Variants in MALRD1 observed in about 807,000 individuals in gnomAD.
The protein encoded by MALRD1 is MAM and LDL receptor class A domain containing 1.
MALRD1 carries 247 observed loss-of-function variants against 242.1 expected under a neutral mutation model. That is an observed-to-expected ratio of 1.02 (90% CI 0.92 to 1.13). The LOEUF (loss-of-function observed/expected upper bound fraction) is 1.13, where lower values mean the gene tolerates loss of function less well. MALRD1 is among the 50% of genes most tolerant of loss of function. The pLI is 0.00. For synonymous variants in MALRD1, 995 were observed against 866.6 expected (o/e 1.15, Z -2.60); for missense variants, 2,989 against 2,533.1 (o/e 1.18, Z -3.86).
intron 32 of MALRD1, among the ~76,000 whole-genome samples, chr10:19,554,461 T>C (rs1835625099): frequency 6.6e-6 from 1 of 152,140 alleles, no homozygotes; most frequent in African/African-American, 2.4e-5. Context: ...ATGTGTACCA[T>C]GGTAGTTTGC....
chr10:19,730,801 T>C lies in MALRD1; in HGVS notation c.6390+20T>C, dbSNP rs774272856. The C allele has an allele frequency of 1.3e-6, 2 of 1,533,246 alleles. No homozygotes were observed. The highest frequency in any genetic ancestry group is 1.2e-5 in the South Asian group (1 of 83,986). 95.0% of individuals were successfully genotyped at this position (1,533,246 alleles called of 1,614,324 possible). A position where few individuals can be genotyped will look rare whatever the true frequency, so the allele number is the denominator to read the frequency against. On this transcript the variant is annotated intron_variant, in intron 39 of 39. Transcript: ENST00000454679. ...ACAGAGGTAAGTGGCAAGGGTGAAC[T>C]ATATCTTTTCACACATATGCACACA...
At chr10:19,245,002 C>G (rs887432493) in intron 18 of MALRD1, among the ~76,000 whole-genome samples, 1 of 152,154 alleles carries the variant, frequency 6.6e-6, no homozygotes, top group Non-Finnish European at 1.5e-5. Flanking sequence ...GTTACAGTAA[C>G]TCATGAACTC....
chr10:19,500,422 T>C (rs955511532), intron 31 of MALRD1, among the ~76,000 whole-genome samples: 1 of 152,214 alleles, frequency 6.6e-6, no homozygotes, highest in Admixed American at 6.5e-5. Flanking sequence ...AGTATGGTGC[T>C]GGCATATCTG....
intron 26 of MALRD1, among the ~76,000 whole-genome samples, chr10:19,381,769 G>A (rs1304450700): frequency 5.3e-5 from 8 of 152,002 alleles, no homozygotes; most frequent in African/African-American, 1.7e-4. Flanking sequence ...AATCTGGGAG[G>A]TGGAGTTTGC....
intron 31 of MALRD1, among the ~76,000 whole-genome samples, chr10:19,509,339 T>G (rs1240467276): frequency 6.6e-6 from 1 of 152,148 alleles, no homozygotes; most frequent in Admixed American, 6.5e-5. Context: ...CTCATTTGGG[T>G]ATGGTGTGAT....
intron 34 of MALRD1, among the ~76,000 whole-genome samples, chr10:19,602,154 CTTTTTTT>C (rs35031620): frequency 2.1e-4 from 22 of 104,930 alleles, no homozygotes; most frequent in Non-Finnish European, 2.8e-4. Flanking sequence ...TGCCAATTTT[CTTTTTTT>C]TTTTTTTTTT....
intron 28 of MALRD1, among the ~76,000 whole-genome samples, chr10:19,398,324 T>A (rs1198220348): frequency 6.6e-6 from 1 of 152,182 alleles, no homozygotes; most frequent in Non-Finnish European, 1.5e-5. Flanking sequence ...TAGGAAAGAA[T>A]GAATTAGAAA....
chr10:19,438,930 C>T (rs1453559022), intron 28 of MALRD1, among the ~76,000 whole-genome samples: 1 of 152,126 alleles, frequency 6.6e-6, no homozygotes, highest in Non-Finnish European at 1.5e-5. Flanking sequence ...TACCGTTCAT[C>T]CAAGATTCAC....
chr10:19,472,296 T>C (rs896833821), intron 29 of MALRD1, among the ~76,000 whole-genome samples: 3 of 152,034 alleles, frequency 2.0e-5, no homozygotes, highest in Non-Finnish European at 2.9e-5. Context: ...TGTTGAGTTC[T>C]GTTTGCTAGA....
chr10:19,382,339 A>G (rs941317038), intron 26 of MALRD1, among the ~76,000 whole-genome samples: 2 of 104,276 alleles, frequency 1.9e-5, no homozygotes, highest in African/African-American at 4.1e-5. Context: ...GATAGATGGA[A>G]GCGTGTGTGT....
At chr10:19,497,286 A>T (rs191225222) in intron 30 of MALRD1, among the ~76,000 whole-genome samples, 146 of 150,318 alleles carry the variant, frequency 9.7e-4, no homozygotes, top group Middle Eastern at 3.4e-3. Flanking sequence ...TCCATATCAC[A>T]TAATAAAAAC....
intron 26 of MALRD1, among the ~76,000 whole-genome samples, chr10:19,354,787 G>C (rs1844550243): frequency 6.6e-6 from 1 of 152,086 alleles, no homozygotes; most frequent in African/African-American, 2.4e-5. Context: ...ATAAATGTTT[G>C]AGGTGATGGT....
chr10:19,292,406 C>T (rs1439436137), intron 21 of MALRD1, among the ~76,000 whole-genome samples: 1 of 152,030 alleles, frequency 6.6e-6, no homozygotes, highest in Non-Finnish European at 1.5e-5. Context: ...AACTTGCTTA[C>T]AGGTGGTTGA....
chr10:19,367,702 C>G (rs1845166696), intron 26 of MALRD1, among the ~76,000 whole-genome samples: 1 of 152,060 alleles, frequency 6.6e-6, no homozygotes, highest in Non-Finnish European at 1.5e-5. Context: ...TTCGTAGTGG[C>G]TGCACTAGTT....
chr10:19,719,583 G>A (rs1317901258), intron 38 of MALRD1, among the ~76,000 whole-genome samples: 2 of 152,106 alleles, frequency 1.3e-5, no homozygotes, highest in Non-Finnish European at 2.9e-5. Flanking sequence ...TCATGTGAAT[G>A]AGTTTGGCAA....
At chr10:19,146,382 T>G in intron 11 of MALRD1, 38 bp downstream of exon 11, 1 of 1,213,806 alleles carries the variant, frequency 8.2e-7, no homozygotes, top group South Asian at 4.2e-5. Flanking sequence ...ATAGTTTTCT[T>G]TCTTGCATGT....
At chr10:19,122,852 A>C (rs912063075) in intron 5 of MALRD1, among the ~76,000 whole-genome samples, 3 of 152,028 alleles carry the variant, frequency 2.0e-5, no homozygotes, top group Admixed American at 1.3e-4. Flanking sequence ...CAGCCTCCCT[A>C]GTAGCTGGGA....
At chr10:19,715,764 G>A (rs1834354362) in intron 38 of MALRD1, among the ~76,000 whole-genome samples, 1 of 152,190 alleles carries the variant, frequency 6.6e-6, no homozygotes, top group Non-Finnish European at 1.5e-5. Flanking sequence ...TTACAATCAT[G>A]GCGGAAGGCA....
At chr10:19,552,839 A>G (rs563427383) in intron 32 of MALRD1, among the ~76,000 whole-genome samples, 1 of 152,246 alleles carries the variant, frequency 6.6e-6, no homozygotes, top group East Asian at 1.9e-4. Context: ...CTTCTCCATG[A>G]TGCTTCCAGT....
Sources: gnomAD v4.1 joint callset for allele counts (sites outside exome capture counted in the v4.1 genomes callset) on GRCh38, gnomAD v4.1.1 for gene constraint, MANE v1.5 for transcripts, NCBI Gene and HGNC (gene_info 2026-07-23, HGNC 2026-07-21) for gene names.